AGTPBP1: variants seen among roughly 807,000 people sequenced by gnomAD.
The protein encoded by AGTPBP1 is cytosolic carboxypeptidase 1.
In AGTPBP1, 70 loss-of-function variants were observed where a neutral mutation model predicts 143.9. That is an observed-to-expected ratio of 0.49 (90% CI 0.40 to 0.59). AGTPBP1 has a LOEUF of 0.59. AGTPBP1 is among the 20% of genes least tolerant of loss of function. AGTPBP1 has a pLI of 0.00. For synonymous variants in AGTPBP1, 463 were observed against 500.2 expected (o/e 0.93, Z 0.99); for missense variants, 1,229 against 1,464.5 (o/e 0.84, Z 2.62).
Position 85,547,056 on chromosome 9 carries a change from A to G in AGTPBP1, c.*53T>C. ...TTTCTCTCAAGCTTCCTGGGAAATA[A>G]AAACCAAGATATTTCATTTATTCTT... On this transcript the variant is annotated 3_prime_UTR_variant, in exon 26 of 26. Transcript: ENST00000357081. 6.1e-6 allele frequency: 9 copies of G among 1,480,120 alleles called. No individual in the cohort carries two copies. Among genetic ancestry groups the G allele is most frequent in the Non-Finnish European group, 8.1e-6 (9 of 1,114,830 alleles). The allele number at this position is 1,480,120 out of a possible 1,614,324, so 91.7% of individuals were successfully genotyped here. A position where few individuals can be genotyped will look rare whatever the true frequency, so the allele number is the denominator to read the frequency against.
rs1220807460 is a variant in AGTPBP1, at chr9:85,741,786, G to A, written c.-45C>T. ...AGCAGGGCGCTCACCGGCTCAGGAT[G>A]GGGCGCTGGCGGGGACCGCGCAGAG... is the stretch of plus-strand genomic sequence containing the variant. On this transcript the variant is annotated 5_prime_UTR_variant, in exon 1 of 26. Transcript: ENST00000357081. The A allele has an allele frequency of 7.4e-6, 10 of 1,352,350 alleles. No individual in the cohort carries two copies. In the South Asian group the frequency reaches 1.8e-4, roughly 24 times the overall value. 83.8% of individuals were successfully genotyped at this position (1,352,350 alleles called of 1,614,324 possible). A position where few individuals can be genotyped will look rare whatever the true frequency, so the allele number is the denominator to read the frequency against.
intron 9 of AGTPBP1, among the ~76,000 whole-genome samples, 167 bp from the exon 10 acceptor site, chr9:85,657,810 GA>G (rs1833622850): frequency 1.3e-5 from 2 of 152,052 alleles, no homozygotes; most frequent in Non-Finnish European, 2.9e-5. Flanking sequence ...AAATAAATAT[GA>G]AGTTCCAGAG....
intron 11 of AGTPBP1, among the ~76,000 whole-genome samples, chr9:85,650,861 CATAAA>C (rs1433305236): frequency 3.9e-5 from 6 of 152,298 alleles, no homozygotes; most frequent in African/African-American, 7.2e-5. Context: ...ATCTAGCTTG[CATAAA>C]ATAATCTTCA....
chr9:85,573,843 A>T (rs1200441092), intron 25 of AGTPBP1, among the ~76,000 whole-genome samples: 1 of 148,756 alleles, frequency 6.7e-6, no homozygotes, highest in Non-Finnish European at 1.5e-5. Flanking sequence ...GCCCCGTCTG[A>T]GAAGTGAGGA....
intron 8 of AGTPBP1, among the ~76,000 whole-genome samples, chr9:85,666,303 T>C (rs1396157565): frequency 6.6e-6 from 1 of 152,082 alleles, no homozygotes; most frequent in Non-Finnish European, 1.5e-5. Flanking sequence ...ATCCAAAACC[T>C]AAAATTAAAA....
At chr9:85,649,699 G>C (rs1482191900) in intron 11 of AGTPBP1, among the ~76,000 whole-genome samples, 1 of 152,036 alleles carries the variant, frequency 6.6e-6, no homozygotes, top group African/African-American at 2.4e-5. Context: ...TACTTAGCTT[G>C]TTCAGGAAAT....
chr9:85,592,666 T>C lies in AGTPBP1; in HGVS notation c.2462A>G (p.Gln821Arg), dbSNP rs1319266837. 6.2e-7 allele frequency: 1 copy of C among 1,611,808 alleles called. No homozygotes were observed. The highest frequency in any genetic ancestry group is 1.7e-5 in the Admixed American group (1 of 59,602). ...AATTGTATAGTAGGATTTTCCCTTT[T>C]GCCCACCTGCAGCAACTGAACTTCT... ...FSRSSVAAGG[Q>R]KGKSYYTITF... The change falls in exon 19 of 26, where the codon CAA becomes CGA. Residue 821 changes from glutamine to arginine, a missense_variant. Transcript: ENST00000357081.
intron 17 of AGTPBP1, among the ~76,000 whole-genome samples, chr9:85,616,015 A>G (rs923606822): frequency 6.6e-6 from 1 of 151,992 alleles, no homozygotes; most frequent in Non-Finnish European, 1.5e-5. Flanking sequence ...ATTTGATTAA[A>G]ATACAGAACA....
At chr9:85,649,013 C>T (rs903068595) in intron 11 of AGTPBP1, among the ~76,000 whole-genome samples, 6 of 152,140 alleles carry the variant, frequency 3.9e-5, no homozygotes, top group Non-Finnish European at 8.8e-5. Context: ...AGCTTAAGAG[C>T]GTCTGAGACC....
chr9:85,681,154 T>C, intron 4 of AGTPBP1, 114 bp downstream of exon 4: 2 of 897,694 alleles, frequency 2.2e-6, no homozygotes, highest in East Asian at 2.6e-5. Context: ...TGTGTGTGTA[T>C]ATATGTACGT....
upstream of AGTPBP1, among the ~76,000 whole-genome samples, chr9:85,746,358 C>G (rs1164029052): frequency 1.3e-5 from 2 of 152,040 alleles, no homozygotes; most frequent in African/African-American, 4.8e-5. Context: ...TCTTGGCACA[C>G]AAAACAAACC....
chr9:85,748,997 C>CTTTTTTT, the AGTPBP1 span, among the ~76,000 whole-genome samples: 31 of 95,436 alleles, frequency 3.2e-4, 1 homozygote, highest in Non-Finnish European at 5.0e-4. Flanking sequence ...ATCTAGTGCA[C>CTTTTTTT]TTTTTTTTTT....
chr9:85,751,837 C>T, the AGTPBP1 span, among the ~76,000 whole-genome samples: 1 of 150,760 alleles, frequency 6.6e-6, no homozygotes, highest in African/African-American at 2.4e-5. Context: ...GAACTCCTGA[C>T]CTCAGGTGAT....
intron 9 of AGTPBP1, among the ~76,000 whole-genome samples, chr9:85,659,164 T>C (rs903507064): frequency 1.3e-5 from 2 of 152,152 alleles, no homozygotes; most frequent in African/African-American, 4.8e-5. Flanking sequence ...TTAAAGGAAG[T>C]GAACAGAGCT....
chr9:85,677,364 G>C, intron 6 of AGTPBP1, 72 bp downstream of exon 6: 1 of 1,393,820 alleles, frequency 7.2e-7, no homozygotes, highest in Non-Finnish European at 9.8e-7. Flanking sequence ...AAACTGAGTA[G>C]TTACAAGGTG....
chr9:85,672,261 GT>G (rs1468334691), intron 7 of AGTPBP1, among the ~76,000 whole-genome samples: 6 of 152,078 alleles, frequency 3.9e-5, no homozygotes, highest in Non-Finnish European at 8.8e-5. Context: ...TAGAGACAGA[GT>G]TTCCCCATGT....
At chr9:85,566,529 C>CAAAAAAAAA (rs72129899) in intron 25 of AGTPBP1, among the ~76,000 whole-genome samples, 1,402 of 78,448 alleles carry the variant, frequency 0.018, 141 homozygotes, top group African/African-American at 0.077. Context: ...GACCATGTCT[C>CAAAAAAAAA]AAAAAAAAAA....
the AGTPBP1 span, among the ~76,000 whole-genome samples, chr9:85,758,517 C>A: frequency 6.6e-6 from 1 of 151,984 alleles, no homozygotes; most frequent in Non-Finnish European, 1.5e-5. Context: ...TGGTTGTGGG[C>A]ACCTGTAATC....
At chr9:85,608,481 C>G (rs374177112) in intron 17 of AGTPBP1, among the ~76,000 whole-genome samples, 63 of 151,956 alleles carry the variant, frequency 4.1e-4, no homozygotes, top group African/African-American at 1.4e-3. Flanking sequence ...TGTCAAATGT[C>G]TCATCCTGAT....
Sources: gnomAD v4.1 joint callset for allele counts (sites outside exome capture counted in the v4.1 genomes callset) on GRCh38, gnomAD v4.1.1 for gene constraint, MANE v1.5 for transcripts, NCBI Gene and HGNC (gene_info 2026-07-23, HGNC 2026-07-21) for gene names.